The following ZBTB37 variants were observed in gnomAD, a reference collection of about 807,000 sequenced individuals.
The protein encoded by ZBTB37 is zinc finger and BTB domain-containing protein 37.
ZBTB37 carries 15 observed loss-of-function variants against 37.7 expected under a neutral mutation model. The observed-to-expected ratio is 0.40, with a 90% CI of 0.27 to 0.61. The LOEUF is 0.61. Ranked by LOEUF, ZBTB37 falls within the 20% of genes least tolerant of loss-of-function variation. ZBTB37 has a pLI of 0.44. For missense variants in ZBTB37, 514 were observed against 641.9 expected (o/e 0.80, Z 2.15); for synonymous variants, 231 against 220.6 (o/e 1.05, Z -0.42).
intron 4 of ZBTB37, among the ~76,000 whole-genome samples, chr1:173,882,709 T>C (rs895496880): frequency 8.5e-5 from 13 of 152,212 alleles, no homozygotes; most frequent in African/African-American, 3.1e-4. Context: ...TTTATGGTTT[T>C]AGGTCTAACA....
At chr1:173,888,376 C>T (rs1406564673), downstream of ZBTB37, 2 of 152,098 alleles carry the variant, frequency 1.3e-5, no homozygotes. Context: ...CTTTTAAGTC[C>T]ATCCTACTTT....
At chr1:173,895,680 A>G (rs1657017830) in exon 4 of ZBTB37, 1 of 152,214 alleles carries the variant, frequency 6.6e-6, no homozygotes, top group African/African-American at 2.4e-5. Flanking sequence ...CATACAGGAA[A>G]ATTCATCGCC....
downstream of ZBTB37, chr1:173,887,305 G>T (rs1006323204): frequency 4.6e-5 from 7 of 152,090 alleles, no homozygotes; most frequent in African/African-American, 1.7e-4. Context: ...TATGTCTCGG[G>T]TCTGCAAACC....
rs1439031225 is a variant in ZBTB37, at chr1:173,883,970, C to CTG, written c.1024-1665_1024-1664insGT. On this transcript the variant is annotated intron_variant, in intron 4 of 4. Coordinates refer to ENST00000427304, the Ensembl canonical transcript of ZBTB37. ...AGAGTCAACTTTGACATTTTCTTCT[C>CTG]TTTGCATTGGTACTTTATTCTTTGT... is the stretch of plus-strand genomic sequence containing the variant. Among the ~76,000 whole-genome samples, 7 of 152,290 alleles carry CTG rather than the reference C, an allele frequency of 4.6e-5. No homozygotes were observed. The East Asian group carries it at 1.3e-3, about 29-fold the overall frequency.
chr1:173,872,487 C>T (rs1655640767), intron 3 of ZBTB37, among the ~76,000 whole-genome samples: 1 of 152,118 alleles, frequency 6.6e-6, no homozygotes, highest in Admixed American at 6.5e-5. Context: ...TTTCTCCTGC[C>T]ACTGTGCCTG....
exon 4 of ZBTB37, chr1:173,902,574 T>C (rs1004651593): frequency 3.9e-5 from 6 of 152,252 alleles, no homozygotes; most frequent in Admixed American, 6.5e-5. Flanking sequence ...GTGCATCTTA[T>C]TTCCTAAGAA....
At chr1:173,871,986 ATTAC>A (rs1655596293) in intron 3 of ZBTB37, among the ~76,000 whole-genome samples, 1 of 152,224 alleles carries the variant, frequency 6.6e-6, no homozygotes, top group African/African-American at 2.4e-5. Context: ...CTAAAAAACT[ATTAC>A]TTTGGTCTTG....
chr1:173,881,350 A>G (rs891395445), intron 4 of ZBTB37, among the ~76,000 whole-genome samples: 6 of 152,168 alleles, frequency 3.9e-5, no homozygotes, highest in African/African-American at 1.4e-4. Flanking sequence ...AATCCAGTCT[A>G]TCATTGTGGA....
chr1:173,893,605 C>A (rs1351468825), exon 4 of ZBTB37: 1 of 152,190 alleles, frequency 6.6e-6, no homozygotes, highest in African/African-American at 2.4e-5. Context: ...TTATTAAGTG[C>A]TTTATCGTCA....
chr1:173,870,746 G>A (rs201544799), exon 3 of ZBTB37: 112 of 1,614,078 alleles, frequency 6.9e-5, no homozygotes, highest in Non-Finnish European at 7.8e-5. Context: ...AAGGGAAACC[G>A]GCGAGGTCAG....
intron 4 of ZBTB37, among the ~76,000 whole-genome samples, chr1:173,880,378 T>C (rs571399430): frequency 3.3e-5 from 5 of 152,122 alleles, no homozygotes; most frequent in Admixed American, 6.5e-5. Context: ...TCAGTTAACT[T>C]TGGGTCTGCG....
chr1:173,900,875 C>G (rs1657227767), exon 4 of ZBTB37: 2 of 152,180 alleles, frequency 1.3e-5, no homozygotes, highest in South Asian at 4.1e-4. Context: ...GAGTAGCCCC[C>G]TTAGGGTTTT....
downstream of ZBTB37, chr1:173,889,107 C>G (rs1485412000): frequency 6.6e-6 from 1 of 152,208 alleles, no homozygotes; most frequent in Non-Finnish European, 1.5e-5. Context: ...AAATTTAAGG[C>G]AGGCTAGCTT....
exon 4 of ZBTB37, chr1:173,900,273 ATGAAATG>A (rs1657206810): frequency 6.6e-6 from 1 of 152,212 alleles, no homozygotes; most frequent in Admixed American, 6.5e-5. Context: ...TGAATAATAT[ATGAAATG>A]TGAAATGAGT....
exon 4 of ZBTB37, chr1:173,893,936 C>A (rs1311468891): frequency 6.6e-6 from 1 of 152,188 alleles, no homozygotes; most frequent in African/African-American, 2.4e-5. Context: ...ATCTTGATTC[C>A]AAAGCCCAGA....
At chr1:173,895,861 T>C (rs12116446) in exon 4 of ZBTB37, 8 of 152,314 alleles carry the variant, frequency 5.3e-5, no homozygotes, top group Non-Finnish European at 1.0e-4. Context: ...AGAAGAAATA[T>C]GGACAGAGAA....
chr1:173,891,297 C>G (rs2102757994), downstream of ZBTB37: 1 of 152,278 alleles, frequency 6.6e-6, no homozygotes, highest in East Asian at 1.9e-4. Flanking sequence ...TGATTCATAT[C>G]CAAAGTACTG....
chr1:173,886,323 C>T, exon 5 of ZBTB37: 1 of 765,414 alleles, frequency 1.3e-6, no homozygotes, highest in Non-Finnish European at 2.0e-6. Flanking sequence ...CCGCCTCACA[C>T]TTTGGAAAAT....
exon 4 of ZBTB37, chr1:173,897,201 A>G (rs1045020145): frequency 3.3e-5 from 5 of 152,198 alleles, no homozygotes. Context: ...TTAGTCATCT[A>G]CTGTGACCTT....
Sources: allele counts gnomAD v4.1 joint callset (sites outside exome capture counted in the v4.1 genomes callset), GRCh38; gene constraint gnomAD v4.1.1; transcripts MANE v1.5; gene names NCBI Gene and HGNC (gene_info 2026-07-23, HGNC 2026-07-21).